GADL1: variants seen among roughly 807,000 people sequenced by gnomAD.
GADL1 encodes acidic amino acid decarboxylase GADL1.
Under a neutral mutation model 69.5 loss-of-function variants are expected in GADL1, and 71 were observed. The observed-to-expected ratio is 1.02, with a 90% CI of 0.84 to 1.25. The LOEUF is 1.25. GADL1 is among the 50% of genes most tolerant of loss of function. The pLI is 0.00. For synonymous variants in GADL1, 254 were observed against 214.4 expected, an observed-to-expected ratio of 1.18 and a Z score of -1.62; for missense variants, 737 against 631.8, an observed-to-expected ratio of 1.17 and a Z score of -1.79.
At chr3:30,736,451 TACTAG>T (rs1695542890) in intron 14 of GADL1, among the ~76,000 whole-genome samples, 3 of 152,178 alleles carry the variant, frequency 2.0e-5, no homozygotes, top group Admixed American at 6.6e-5. Context: ...GTGCTTGGCA[TACTAG>T]GCACTCACTA....
At position 30,801,167 on chromosome 3, in the gene GADL1, CAA is replaced by C. The variant is rs1351854668; in HGVS notation, c.1051-81_1051-80del. The C allele has an allele frequency of 3.7e-5, 37 of 1,008,998 alleles. No individual in the cohort carries two copies. The East Asian group carries it at 7.8e-4, about 21-fold the overall frequency. The allele number at this position is 1,008,998 out of a possible 1,614,324, so 62.5% of individuals were successfully genotyped here. On this transcript the variant is annotated intron_variant, in intron 11 of 14. Coordinates refer to ENST00000282538, the MANE Select transcript of GADL1 (RefSeq NM_207359.3). ...TTGAAAGCAAACACATGTACACACACAATGTGTATATTCTACCTGTGCCAAGT... is the reference window on the plus strand; with the variant it reads ...TTGAAAGCAAACACATGTACACACACTGTGTATATTCTACCTGTGCCAAGT...
intron 1 of GADL1, among the ~76,000 whole-genome samples, chr3:30,867,546 C>T (rs1015515863): frequency 2.0e-5 from 3 of 151,392 alleles, no homozygotes; most frequent in Non-Finnish European, 4.4e-5. Flanking sequence ...GTAACAAACT[C>T]GTTACTCAGT....
intron 9 of GADL1, 68 bp downstream of exon 9, chr3:30,838,928 AG>A (rs1372349845): frequency 2.1e-6 from 2 of 937,554 alleles, no homozygotes; most frequent in African/African-American, 3.5e-5. Flanking sequence ...TCTGAGAATA[AG>A]AAAAATTTCT....
intron 11 of GADL1, among the ~76,000 whole-genome samples, chr3:30,801,740 TTCA>T (rs1351535167): frequency 6.6e-6 from 1 of 152,174 alleles, no homozygotes; most frequent in African/African-American, 2.4e-5. Flanking sequence ...TAATTTACTA[TTCA>T]TCACGATTAT....
In GADL1 at chr3:30,800,853, AAAGAG is replaced by A. The variant is rs1559503654; in HGVS notation, c.1250+31_1250+35del. On this transcript the variant is annotated intron_variant, in intron 12 of 14. Transcript: ENST00000282538. ...CACACACACACACACACACACACAG[AAAGAG>A]AGAGAGAGAGAGAGAGAGAGAGGCT... The A allele has an allele frequency of 3.1e-6, 4 of 1,279,544 alleles. 1 individual carries two copies. Among genetic ancestry groups the A allele is most frequent in the Non-Finnish European group, 3.2e-6 (3 of 943,498 alleles). 79.3% of individuals were successfully genotyped at this position (1,279,544 alleles called of 1,614,324 possible).
At chr3:30,816,333 C>A (rs1371088277) in intron 11 of GADL1, among the ~76,000 whole-genome samples, 1 of 151,876 alleles carries the variant, frequency 6.6e-6, no homozygotes, top group Non-Finnish European at 1.5e-5. Flanking sequence ...TCTGGTTTTC[C>A]ACACAGAAGG....
Position 30,838,983 on chromosome 3 carries a change from A to G in GADL1, c.903+14T>C. 1.4e-6 allele frequency: 2 copies of G among 1,479,378 alleles called. No homozygotes were observed. Among genetic ancestry groups the G allele is most frequent in the Non-Finnish European group, 1.9e-6 (2 of 1,069,964 alleles). The allele number at this position is 1,479,378 out of a possible 1,614,324, so 91.6% of individuals were successfully genotyped here. ...CCAAAGGTTAAACAGGTATGTACAC[A>G]TAAATGAACTTACATCTACATGAAG... On this transcript the variant is annotated intron_variant, in intron 9 of 14. Transcript: ENST00000282538.
chr3:30,828,218 CT>C lies in GADL1; in HGVS notation c.1050+5634del, dbSNP rs1221847963. Among the ~76,000 whole-genome samples the C allele has an allele frequency of 2.0e-5, 3 of 151,950 alleles. No individual in the cohort carries two copies. In the South Asian group the frequency reaches 6.2e-4, roughly 32 times the overall value. ...TTTCCTTTTTCTCTTTACTTGCACACTTTTTAACTGGCATGTAATAATTGTC... is the reference window on the plus strand; with the variant it reads ...TTTCCTTTTTCTCTTTACTTGCACACTTTTAACTGGCATGTAATAATTGTC... On this transcript the variant is annotated intron_variant, in intron 11 of 14. Coordinates refer to ENST00000282538, the MANE Select transcript of GADL1 (RefSeq NM_207359.3).
chr3:30,809,322 G>T (rs1697313138), intron 11 of GADL1, among the ~76,000 whole-genome samples: 1 of 152,108 alleles, frequency 6.6e-6, no homozygotes, highest in Non-Finnish European at 1.5e-5. Context: ...TTTGCATACA[G>T]CTTGGAGAGA....
chr3:30,872,522 T>G (rs145967126), intron 1 of GADL1, among the ~76,000 whole-genome samples: 1 of 151,948 alleles, frequency 6.6e-6, no homozygotes, highest in East Asian at 1.9e-4. Context: ...GCTGAGTAAA[T>G]AGAAGGCCTG....
At chr3:30,878,793 C>A (rs990282071) in intron 1 of GADL1, among the ~76,000 whole-genome samples, 1 of 151,762 alleles carries the variant, frequency 6.6e-6, no homozygotes, top group South Asian at 2.1e-4. Context: ...AATATAGTAT[C>A]CTTATTATGT....
At chr3:30,832,764 G>A (rs987045651) in intron 11 of GADL1, among the ~76,000 whole-genome samples, 4 of 151,974 alleles carry the variant, frequency 2.6e-5, no homozygotes, top group Non-Finnish European at 5.9e-5. Flanking sequence ...GTTACAAATA[G>A]TCATACCACA....
intron 14 of GADL1, among the ~76,000 whole-genome samples, chr3:30,772,889 C>T (rs988025857): frequency 7.9e-5 from 12 of 151,974 alleles, no homozygotes; most frequent in African/African-American, 1.7e-4. Flanking sequence ...AAAACAAAAG[C>T]GAAGTGTAAC....
At chr3:30,810,944 T>TGGTA (rs1697340830) in intron 11 of GADL1, among the ~76,000 whole-genome samples, 2 of 152,288 alleles carry the variant, frequency 1.3e-5, no homozygotes, top group South Asian at 2.1e-4. Flanking sequence ...CATTACCAGC[T>TGGTA]ATGAACTGCT....
chr3:30,828,727 A>G (rs749242085), intron 11 of GADL1, among the ~76,000 whole-genome samples: 6 of 151,956 alleles, frequency 3.9e-5, no homozygotes, highest in Non-Finnish European at 7.4e-5. Flanking sequence ...TCAAATTGAC[A>G]AAACTATGCC....
chr3:30,817,326 T>C (rs1047696920), intron 11 of GADL1, among the ~76,000 whole-genome samples: 1 of 152,188 alleles, frequency 6.6e-6, no homozygotes, highest in African/African-American at 2.4e-5. Context: ...CAATATCAGA[T>C]TCTAGAATAT....
intron 1 of GADL1, among the ~76,000 whole-genome samples, chr3:30,884,852 A>G (rs1698683333): frequency 9.2e-6 from 1 of 108,220 alleles, no homozygotes; most frequent in South Asian, 3.0e-4. Context: ...ACTTAATAAC[A>G]TATATTCTCT....
intron 14 of GADL1, among the ~76,000 whole-genome samples, chr3:30,768,570 G>A (rs1456115799): frequency 1.4e-5 from 2 of 145,654 alleles, no homozygotes; most frequent in Non-Finnish European, 3.0e-5. Flanking sequence ...AAGGGGTGGG[G>A]AGGGGGAGGA....
chr3:30,804,548 C>G (rs765226836), intron 11 of GADL1, among the ~76,000 whole-genome samples: 33 of 134,886 alleles, frequency 2.4e-4, no homozygotes, highest in Non-Finnish European at 4.0e-4. Flanking sequence ...CTTTATCTGA[C>G]CAAATTCTTC....
Sources: gnomAD v4.1 joint callset for allele counts (sites outside exome capture counted in the v4.1 genomes callset) on GRCh38, gnomAD v4.1.1 for gene constraint, MANE v1.5 for transcripts, NCBI Gene and HGNC (gene_info 2026-07-23, HGNC 2026-07-21) for gene names.